MUSK: variants seen among roughly 807,000 people sequenced by gnomAD.
The protein encoded by MUSK is muscle associated receptor tyrosine kinase, also known as muscle, skeletal receptor tyrosine-protein kinase.
In MUSK, 55 loss-of-function variants were observed where a neutral mutation model predicts 88.7. The observed-to-expected ratio is 0.62, with a 90% CI of 0.50 to 0.78. MUSK has a LOEUF of 0.78. Ranked by LOEUF, MUSK falls within the 30% of genes least tolerant of loss-of-function variation. The pLI is 0.00. For missense variants in MUSK, 1,015 were observed against 1,074.3 expected (o/e 0.94, Z 0.77); for synonymous variants, 387 against 391.9 (o/e 0.99, Z 0.15).
chr9:110,705,444 G>A (rs2076586222), intron 5 of MUSK, among the ~76,000 whole-genome samples: 1 of 152,224 alleles, frequency 6.6e-6, no homozygotes, highest in Non-Finnish European at 1.5e-5. Context: ...CACCTAGATG[G>A]AGGAAGTGAA....
intron 14 of MUSK, chr9:110,788,063 G>A: frequency 1.9e-6 from 1 of 523,920 alleles, no homozygotes; most frequent in Non-Finnish European, 3.4e-6. Flanking sequence ...CTCTGTCTTT[G>A]CTGCCTCCTA....
Position 110,734,370 on chromosome 9 carries a change from A to C in MUSK, c.748A>C (p.Asn250His), listed in dbSNP as rs750058293. The C allele has an allele frequency of 6.8e-6, 11 of 1,613,068 alleles. No individual in the cohort carries two copies. The highest frequency in any genetic ancestry group is 8.5e-6 in the Non-Finnish European group (10 of 1,179,328). ...VPTITWIENG[N>H]AVSSGSIQES... ...CACCATCACCTGGATTGAAAACGGA[A>C]ATGCTGTGAGTGTCATGTGTGTGGG... Residue 250 changes from asparagine to histidine, a missense_variant, in exon 6 of 15, where the codon AAT becomes CAT. Transcript: ENST00000374448.
chr9:110,691,714 G>T (rs2076358331), intron 3 of MUSK, among the ~76,000 whole-genome samples: 1 of 152,086 alleles, frequency 6.6e-6, no homozygotes, highest in African/African-American at 2.4e-5. Flanking sequence ...GAGGAATTTA[G>T]GTCTACTTGG....
chr9:110,785,953 A>G (rs907903756), intron 13 of MUSK, among the ~76,000 whole-genome samples: 6 of 148,924 alleles, frequency 4.0e-5, no homozygotes, highest in African/African-American at 1.5e-4. Context: ...ATTATATAGT[A>G]TTAATACAAT....
chr9:110,761,719 C>T (rs371698791), intron 7 of MUSK, among the ~76,000 whole-genome samples: 2 of 151,720 alleles, frequency 1.3e-5, no homozygotes, highest in African/African-American at 4.8e-5. Flanking sequence ...GGATTACAGG[C>T]GCCCGCCACC....
chr9:110,684,947 C>T (rs1159423175), intron 2 of MUSK, among the ~76,000 whole-genome samples: 1 of 152,024 alleles, frequency 6.6e-6, no homozygotes, highest in African/African-American at 2.4e-5. Context: ...ATTTGGATGG[C>T]CCTTAATATC....
chr9:110,806,079 T>C lies in MUSK; in HGVS notation c.*5091T>C, dbSNP rs1265401427. On this transcript the variant is annotated 3_prime_UTR_variant, in exon 15 of 15. Coordinates refer to ENST00000374448, the MANE Select transcript of MUSK (RefSeq NM_005592.4). ...AAGTTCCCTTCTTCCTTTTCATCTC[T>C]AGTCCCAGCCTAAGTGCTAACCACT... is the stretch of plus-strand genomic sequence containing the variant. Among the ~76,000 whole-genome samples, 1 of 152,128 alleles carries C rather than the reference T, an allele frequency of 6.6e-6. No homozygotes were observed. The highest frequency in any genetic ancestry group is 1.5e-5 in the Non-Finnish European group (1 of 67,980).
rs1422000963 is a variant in MUSK, at chr9:110,690,099, G to C, written c.358+2831G>C. 4.1e-5 allele frequency among the ~76,000 whole-genome samples: 3 copies of C among 72,636 alleles called. No individual in the cohort carries two copies. The East Asian group carries it at 1.1e-3, about 26-fold the overall frequency. The allele number at this position is 72,636 out of a possible 152,430, so 47.7% of individuals were successfully genotyped here. A position where few individuals can be genotyped will look rare whatever the true frequency, so the allele number is the denominator to read the frequency against. On this transcript the variant is annotated intron_variant, in intron 3 of 14. Transcript: ENST00000374448. ...AAATATATAAATATATATTATATAA[G>C]TATAAATATAGAAATATATATTATA...
At position 110,775,869 on chromosome 9, in the gene MUSK, C is replaced by T. The variant is rs2077662712; in HGVS notation, c.1266C>T (p.Tyr422=). ...AAGAGAAGACCCACAGAGGACTCTA[C>T]AGATCCGAGATGCATTTGCTGTCCG... The part of the protein sequence containing the change: ...VMEEKTHRGL[Y]RSEMHLLSVP... The change falls in exon 10 of 15, where the codon TAC becomes TAT. Residue 422 remains tyrosine (Y), a synonymous_variant. Transcript: ENST00000374448. The T allele has an allele frequency of 1.9e-6, 3 of 1,613,838 alleles. No individual in the cohort carries two copies. The highest frequency in any genetic ancestry group is 2.5e-6 in the Non-Finnish European group (3 of 1,179,842).
At chr9:110,717,685 G>A (rs1186237541) in intron 5 of MUSK, among the ~76,000 whole-genome samples, 1 of 149,800 alleles carries the variant, frequency 6.7e-6, no homozygotes, top group Non-Finnish European at 1.5e-5. Flanking sequence ...GTTTGAAAAT[G>A]CCACTATTTT....
At chr9:110,681,067 AATAT>A (rs2076116063) in intron 1 of MUSK, among the ~76,000 whole-genome samples, 2 of 13,090 alleles carry the variant, frequency 1.5e-4, no homozygotes, top group Admixed American at 1.6e-3. Flanking sequence ...TTATATATAT[AATAT>A]TATATATATT....
chr9:110,756,277 A>G (rs2077323268), intron 7 of MUSK, among the ~76,000 whole-genome samples: 1 of 151,800 alleles, frequency 6.6e-6, no homozygotes, highest in Non-Finnish European at 1.5e-5. Context: ...CAGTGCCCTG[A>G]TGTGGGAGAT....
intron 1 of MUSK, among the ~76,000 whole-genome samples, chr9:110,681,769 T>C (rs1208877286): frequency 6.6e-6 from 1 of 152,134 alleles, no homozygotes. Flanking sequence ...AAAGTGGATG[T>C]ATCTTTTATG....
In MUSK at chr9:110,803,332, G is replaced by A. The variant is rs185244129; in HGVS notation, c.*2344G>A. 1.1e-4 allele frequency among the ~76,000 whole-genome samples: 17 copies of A among 152,164 alleles called. No homozygotes were observed. Among genetic ancestry groups the A allele is most frequent in the South Asian group, 2.1e-4 (1 of 4,812 alleles). On this transcript the variant is annotated 3_prime_UTR_variant, in exon 15 of 15. Transcript: ENST00000374448. ...CTTTGTTTTGTTTTGTTTTTGAGAC[G>A]GAGTCTCGCTCTGTCGCCCAGGCTG...
At chr9:110,702,844 G>A (rs1166620754) in intron 5 of MUSK, among the ~76,000 whole-genome samples, 1 of 152,132 alleles carries the variant, frequency 6.6e-6, no homozygotes, top group Non-Finnish European at 1.5e-5. Context: ...AGTAAGCCAA[G>A]ATTGTGCCAC....
intron 7 of MUSK, among the ~76,000 whole-genome samples, chr9:110,750,912 T>A (rs1366176024): frequency 6.6e-6 from 1 of 152,204 alleles, no homozygotes; most frequent in African/African-American, 2.4e-5. Flanking sequence ...ATAAAATCTA[T>A]AAAATATCCA....
At chr9:110,798,233 A>G (rs745321262) in intron 14 of MUSK, among the ~76,000 whole-genome samples, 21 of 152,204 alleles carry the variant, frequency 1.4e-4, no homozygotes, top group Non-Finnish European at 2.4e-4. Context: ...ATTCACTTCT[A>G]TCAATAAAAG....
chr9:110,709,891 T>A (rs1050124819), intron 5 of MUSK, among the ~76,000 whole-genome samples: 1 of 152,168 alleles, frequency 6.6e-6, no homozygotes, highest in Non-Finnish European at 1.5e-5. Flanking sequence ...ACGCCTGTAA[T>A]CCCAGCCCTT....
chr9:110,688,963 C>G (rs2076237848), intron 3 of MUSK, among the ~76,000 whole-genome samples: 1 of 142,878 alleles, frequency 7.0e-6, no homozygotes, highest in Non-Finnish European at 1.5e-5. Flanking sequence ...AATATAAATA[C>G]ATACATATAT....
Sources: gnomAD v4.1 joint callset for allele counts (sites outside exome capture counted in the v4.1 genomes callset) on GRCh38, gnomAD v4.1.1 for gene constraint, MANE v1.5 for transcripts, NCBI Gene and HGNC (gene_info 2026-07-23, HGNC 2026-07-21) for gene names.